The following LDHAL6A variants were observed in gnomAD, a reference collection of about 807,000 sequenced individuals.
LDHAL6A encodes lactate dehydrogenase A like 6A.
A neutral mutation model predicts 28.2 loss-of-function variants in LDHAL6A; 19 were observed. The observed-to-expected ratio is 0.67, with a 90% CI of 0.47 to 0.99. LDHAL6A has a LOEUF of 0.99. Ranked by LOEUF, LDHAL6A falls within the 50% of genes least tolerant of loss-of-function variation. The pLI is 0.00. For missense variants in LDHAL6A, 372 were observed against 398.6 expected, an observed-to-expected ratio of 0.93 and a Z score of 0.57; for synonymous variants, 144 against 134.4, an observed-to-expected ratio of 1.07 and a Z score of -0.49.
intron 1 of LDHAL6A, among the ~76,000 whole-genome samples, chr11:18,462,900 T>C (rs1373448849): frequency 6.6e-6 from 1 of 151,420 alleles, no homozygotes; most frequent in African/African-American, 2.4e-5. Context: ...CCATCCAATC[T>C]TTCCTTAGCA....
In LDHAL6A at chr11:18,474,494, C is replaced by T. The variant is rs1849324225; in HGVS notation, c.419-972C>T. 3.3e-5 allele frequency among the ~76,000 whole-genome samples: 5 copies of T among 151,350 alleles called. No individual in the cohort carries two copies. In the South Asian group the frequency reaches 8.4e-4, roughly 25 times the overall value. On this transcript the variant is annotated intron_variant, in intron 3 of 6. Coordinates refer to ENST00000280706, the MANE Select transcript of LDHAL6A (RefSeq NM_144972.5). Reference sequence around the variant, plus strand: ...CTCCACCTCCCGGGTTCAAGCAATTCTCCTGCCTCAGTCTCCCAAATAGCT... The same window carrying T: ...CTCCACCTCCCGGGTTCAAGCAATTTTCCTGCCTCAGTCTCCCAAATAGCT...
intron 2 of LDHAL6A, 69 bp from the exon 3 acceptor site, chr11:18,465,568 A>T (rs1225743087): frequency 7.5e-7 from 1 of 1,327,304 alleles, no homozygotes; most frequent in East Asian, 2.3e-5. Context: ...GATTGAAGTG[A>T]ACAGGAAGTA....
rs1849422032 is a variant in LDHAL6A, at chr11:18,477,661, G to C, written c.752G>C (p.Gly251Ala). 6.2e-7 allele frequency: 1 copy of C among 1,612,636 alleles called. No individual in the cohort carries two copies. The highest frequency in any genetic ancestry group is 8.5e-7 in the Non-Finnish European group (1 of 1,179,444). The change falls in exon 6 of 7, where the codon GGC becomes GCC. Residue 251 changes from glycine (G) to alanine (A), a missense_variant. Transcript: ENST00000280706. ...MVKMKGYTSW[G>A]ISLSVADLTE... ...AAAATGAAAGGTTATACTTCTTGGG[G>C]CATTAGCCTATCTGTAGCTGATTTA...
intron 3 of LDHAL6A, chr11:18,469,329 A>G (rs945930718): frequency 1.1e-5 from 5 of 435,826 alleles, no homozygotes; most frequent in African/African-American, 1.0e-4. Context: ...TTAAGGTTAT[A>G]TGATAACAAA....
intron 6 of LDHAL6A, among the ~76,000 whole-genome samples, 192 bp from the exon 7 acceptor site, chr11:18,478,514 C>T (rs1008565673): frequency 3.3e-5 from 5 of 151,740 alleles, no homozygotes; most frequent in Admixed American, 6.6e-5. Context: ...GAGCCGAGAT[C>T]GTGCCACTGC....
chr11:18,464,715 CAA>C (rs11367641), intron 2 of LDHAL6A, among the ~76,000 whole-genome samples: 43 of 123,060 alleles, frequency 3.5e-4, no homozygotes, highest in Non-Finnish European at 3.7e-4. Context: ...AACTCTGTCT[CAA>C]AAAAAAAAAA....
At chr11:18,463,846 C>T in intron 1 of LDHAL6A, 115 bp from the exon 2 acceptor site, 3 of 671,424 alleles carry the variant, frequency 4.5e-6, no homozygotes, top group East Asian at 2.6e-5. Context: ...ATTATGTTTC[C>T]TTTGATTTTG....
rs1269117953 is a variant in LDHAL6A at position 18,478,922 on chromosome 11, T to C, written c.*52T>C. 2 of 1,419,152 alleles carry C rather than the reference T, an allele frequency of 1.4e-6. No homozygotes were observed. Among genetic ancestry groups the C allele is most frequent in the Non-Finnish European group, 1.9e-6 (2 of 1,031,434 alleles). 87.9% of individuals were successfully genotyped at this position (1,419,152 alleles called of 1,614,324 possible). A position where few individuals can be genotyped will look rare whatever the true frequency, so the allele number is the denominator to read the frequency against. On this transcript the variant is annotated 3_prime_UTR_variant, in exon 7 of 7. Transcript: ENST00000280706. ...TGAAGATGAAATAGTAGTTATGGAA[T>C]TGTATATGTCAAACTTTTGAATAAA...
chr11:18,464,981 T>TTTTG (rs1565068717), intron 2 of LDHAL6A, among the ~76,000 whole-genome samples: 20 of 125,642 alleles, frequency 1.6e-4, no homozygotes, highest in East Asian at 9.8e-4. Context: ...TTTTTTGTTT[T>TTTTG]TTTTTGTTTT....
chr11:18,475,704 T>G, intron 4 of LDHAL6A, 65 bp downstream of exon 4: 1 of 1,387,898 alleles, frequency 7.2e-7, no homozygotes, highest in Non-Finnish European at 9.7e-7. Context: ...AGACATTTAA[T>G]GTAAAGTAGC....
intron 2 of LDHAL6A, 85 bp from the exon 3 acceptor site, chr11:18,465,552 T>C: frequency 9.3e-7 from 1 of 1,078,874 alleles, no homozygotes; most frequent in East Asian, 2.5e-5. Flanking sequence ...GTAAACATAG[T>C]GTGGTGATTG....
chr11:18,475,962 G>GT (rs1418572635), intron 4 of LDHAL6A, among the ~76,000 whole-genome samples: 1 of 150,482 alleles, frequency 6.6e-6, no homozygotes, highest in Non-Finnish European at 1.5e-5. Context: ...TGTACTTCAT[G>GT]TAGTAGGCAG....
chr11:18,466,116 C>T (rs1399733074), intron 3 of LDHAL6A, among the ~76,000 whole-genome samples: 1 of 152,180 alleles, frequency 6.6e-6, no homozygotes, highest in East Asian at 1.9e-4. Context: ...ATAATGATCT[C>T]CAGCTGCATC....
chr11:18,477,183 G>A (rs61886141), intron 5 of LDHAL6A, among the ~76,000 whole-genome samples: 17,244 of 152,010 alleles, frequency 0.11, 1,202 homozygotes, highest in South Asian at 0.24. Context: ...CGGGCGTGGT[G>A]GCTCATGCCT....
rs550474786 is a variant in LDHAL6A, at chr11:18,456,863, G to A, written c.126+57G>A. 160 of 1,554,920 alleles carry A rather than the reference G, an allele frequency of 1.0e-4. No individual in the cohort carries two copies. The South Asian group carries it at 1.7e-3, about 16-fold the overall frequency. ...CCTCAGTTGGAGGCGAGGCCACAGC[G>A]TATGGTTGTGGAGGTTGTGTCCAGT... On this transcript the variant is annotated intron_variant, in intron 1 of 6. Transcript: ENST00000280706.
chr11:18,465,845 A>G (rs1313298960), intron 3 of LDHAL6A, 35 bp downstream of exon 3: 1 of 1,538,006 alleles, frequency 6.5e-7, no homozygotes, highest in Non-Finnish European at 9.0e-7. Context: ...CAACTTTTAG[A>G]TTCGGGGGTA....
chr11:18,461,746 G>A (rs1288801140), intron 1 of LDHAL6A, among the ~76,000 whole-genome samples: 3 of 151,374 alleles, frequency 2.0e-5, no homozygotes, highest in South Asian at 4.2e-4. Flanking sequence ...CAGCTACTCA[G>A]GAGGCTGAGG....
chr11:18,471,784 T>TAAA (rs1314354467), intron 3 of LDHAL6A, among the ~76,000 whole-genome samples: 5 of 138,402 alleles, frequency 3.6e-5, no homozygotes, highest in African/African-American at 1.0e-4. Context: ...AAAAAAAAAT[T>TAAA]TTTTCCAAAA....
intron 3 of LDHAL6A, among the ~76,000 whole-genome samples, 160 bp downstream of exon 3, chr11:18,465,970 T>C (rs367823067): frequency 6.6e-6 from 1 of 152,176 alleles, no homozygotes; most frequent in Non-Finnish European, 1.5e-5. Flanking sequence ...CCCTTGCTGC[T>C]CTCACTCCCT....
Sources: allele counts gnomAD v4.1 joint callset (sites outside exome capture counted in the v4.1 genomes callset), GRCh38; gene constraint gnomAD v4.1.1; transcripts MANE v1.5; gene names NCBI Gene and HGNC (gene_info 2026-07-23, HGNC 2026-07-21).